DAPK2: variants seen among roughly 807,000 people sequenced by gnomAD.
DAPK2 encodes the protein death-associated protein kinase 2.
Under a neutral mutation model 44.1 loss-of-function variants are expected in DAPK2, and 35 were observed. The ratio of observed to expected loss-of-function variants is 0.79; its 90% CI spans 0.61 to 1.05. The LOEUF is 1.05. Ranked by LOEUF, DAPK2 falls within the 50% of genes least tolerant of loss-of-function variation. The pLI, the probability that DAPK2 is intolerant of heterozygous loss-of-function variation, is 0.00. For missense variants in DAPK2, 453 were observed against 483.2 expected (o/e 0.94, Z 0.59); for synonymous variants, 174 against 182.6 (o/e 0.95, Z 0.38).
intron 7 of DAPK2, 31 bp from the exon 9 acceptor site, chr15:63,924,892 C>T (rs768840197): frequency 6.2e-7 from 1 of 1,612,988 alleles, no homozygotes; most frequent in Non-Finnish European, 8.5e-7. Flanking sequence ...CAGTGATGAT[C>T]CATGAGGACA....
chr15:63,954,862 C>A (rs2077681944), intron 3 of DAPK2, among the ~76,000 whole-genome samples: 1 of 152,082 alleles, frequency 6.6e-6, no homozygotes, highest in Admixed American at 6.6e-5. Flanking sequence ...TTATAGAGAT[C>A]TTTCACATAT....
At chr15:64,002,111 T>C (rs1468369972) in intron 1 of DAPK2, among the ~76,000 whole-genome samples, 1 of 152,190 alleles carries the variant, frequency 6.6e-6, no homozygotes, top group African/African-American at 2.4e-5. Flanking sequence ...TGGGGACAGG[T>C]ATTGCCAACT....
chr15:64,025,363 C>T, intron 1 of DAPK2, among the ~76,000 whole-genome samples: 1 of 152,192 alleles, frequency 6.6e-6, no homozygotes, highest in East Asian at 1.9e-4. Flanking sequence ...TCCCCAACAT[C>T]CAGAGCGCCC....
chr15:63,922,614 G>A lies in DAPK2; in HGVS notation c.858+2202C>T, dbSNP rs2079107170. The A allele has an allele frequency of 2.9e-5, 41 of 1,426,502 alleles. 1 individual carries two copies. In the South Asian group the frequency reaches 6.0e-4, roughly 21 times the overall value. The allele number at this position is 1,426,502 out of a possible 1,614,324, so 88.4% of individuals were successfully genotyped here. A position where few individuals can be genotyped will look rare whatever the true frequency, so the allele number is the denominator to read the frequency against. On this transcript the variant is annotated intron_variant, in intron 8 of 10. Transcript: ENST00000261891. ...CAATTCTGGATTCTGTGGAGGGGCT[G>A]GAAGGCTATACTACAGACACACACC...
intron 1 of DAPK2, among the ~76,000 whole-genome samples, chr15:63,996,674 G>A (rs1436847909): frequency 6.6e-6 from 1 of 152,150 alleles, no homozygotes; most frequent in Non-Finnish European, 1.5e-5. Flanking sequence ...CAGGACACGA[G>A]CATGGAGAAA....
At chr15:63,934,897 C>T (rs2077094382) in intron 4 of DAPK2, among the ~76,000 whole-genome samples, 2 of 152,056 alleles carry the variant, frequency 1.3e-5, no homozygotes, top group South Asian at 4.1e-4. Flanking sequence ...TTTATATTTG[C>T]TTAATATTTA....
At chr15:64,036,319 G>GTATATATATATATATGTATATA (rs71133404) in intron 1 of DAPK2, among the ~76,000 whole-genome samples, 4 of 56,666 alleles carry the variant, frequency 7.1e-5, no homozygotes, top group African/African-American at 1.8e-4. Context: ...GTATATATAT[G>GTATATATATATATATGTATATA]TATATATATA....
At chr15:64,028,685 G>A (rs1009393468) in intron 1 of DAPK2, among the ~76,000 whole-genome samples, 8 of 152,084 alleles carry the variant, frequency 5.3e-5, no homozygotes, top group African/African-American at 1.9e-4. Flanking sequence ...AGTATTAAGG[G>A]GTGAAGAGGC....
intron 1 of DAPK2, among the ~76,000 whole-genome samples, chr15:64,004,303 G>A (rs2079170961): frequency 6.6e-6 from 1 of 152,182 alleles, no homozygotes; most frequent in African/African-American, 2.4e-5. Flanking sequence ...ATCAGATTCA[G>A]GTTTGAGTTT....
chr15:63,926,216 C>G, intron 6 of DAPK2, 123 bp from the exon 8 acceptor site: 1 of 1,105,618 alleles, frequency 9.0e-7, no homozygotes, highest in East Asian at 2.5e-5. Context: ...GCAACACAGC[C>G]TGCCCCCTCT....
intron 3 of DAPK2, among the ~76,000 whole-genome samples, chr15:63,969,189 T>C (rs1228751408): frequency 6.7e-6 from 1 of 150,110 alleles, no homozygotes; most frequent in Non-Finnish European, 1.5e-5. Flanking sequence ...GAGGCTGAAG[T>C]GGGCAGATTG....
At chr15:63,921,831 C>T (rs898215270) in intron 8 of DAPK2, 1 of 152,190 alleles carries the variant, frequency 6.6e-6, no homozygotes, top group African/African-American at 2.4e-5. Flanking sequence ...TTCTCTCCTG[C>T]TTGCAGGCTG....
chr15:63,910,580 G>A (rs3794801), intron 10 of DAPK2: 16,103 of 152,194 alleles, frequency 0.11, 924 homozygotes, highest in African/African-American at 0.16. Context: ...ATGCTCTGTC[G>A]CCCAGGCTGC....
intron 1 of DAPK2, among the ~76,000 whole-genome samples, chr15:64,021,759 AG>A (rs896171839): frequency 1.3e-5 from 2 of 152,254 alleles, no homozygotes; most frequent in Non-Finnish European, 2.9e-5. Context: ...ACCCATGGGA[AG>A]GCCCCAGAGG....
intron 6 of DAPK2, among the ~76,000 whole-genome samples, chr15:63,929,071 G>GCACA (rs1332528892): frequency 6.6e-6 from 1 of 152,110 alleles, no homozygotes; most frequent in East Asian, 1.9e-4. Flanking sequence ...GTGGTGGTGG[G>GCACA]TGCCTGTAAT....
chr15:63,993,042 A>C (rs1295417289), intron 1 of DAPK2, among the ~76,000 whole-genome samples: 1 of 152,204 alleles, frequency 6.6e-6, no homozygotes, highest in Non-Finnish European at 1.5e-5. Flanking sequence ...TACCCCTCAT[A>C]AAATGGTAAA....
rs868013877 is a variant in DAPK2, at chr15:63,925,686, A to G, written c.812+255T>C. Among the ~76,000 whole-genome samples the G allele has an allele frequency of 8.0e-3, 1,087 of 136,278 alleles. 19 individuals are homozygous for G. The highest frequency in any genetic ancestry group is 0.048 in the East Asian group (243 of 5,110). The allele number at this position is 136,278 out of a possible 152,430, so 89.4% of individuals were successfully genotyped here. A position where few individuals can be genotyped will look rare whatever the true frequency, so the allele number is the denominator to read the frequency against. ...CCAGGCTGACTTGTAGCGCACACACACACACACACACACACACACACACAC... is the reference window on the plus strand; with the variant it reads ...CCAGGCTGACTTGTAGCGCACACACGCACACACACACACACACACACACAC... On this transcript the variant is annotated intron_variant, in intron 7 of 10. Coordinates refer to ENST00000261891, the Ensembl canonical transcript of DAPK2.
At chr15:63,944,325 A>G (rs1184446322) in intron 3 of DAPK2, among the ~76,000 whole-genome samples, 1 of 152,158 alleles carries the variant, frequency 6.6e-6, no homozygotes, top group Non-Finnish European at 1.5e-5. Flanking sequence ...GGGAGTAAAC[A>G]GAGGCCATGG....
chr15:64,040,026 G>A, intron 1 of DAPK2, 144 bp downstream of exon 2: 1 of 637,000 alleles, frequency 1.6e-6, no homozygotes, highest in South Asian at 1.9e-5. Flanking sequence ...AAGTCACCCA[G>A]GCAGGTGAAT....
Sources: allele counts gnomAD v4.1 joint callset (sites outside exome capture counted in the v4.1 genomes callset), GRCh38; gene constraint gnomAD v4.1.1; transcripts MANE v1.5; gene names NCBI Gene and HGNC (gene_info 2026-07-23, HGNC 2026-07-21).